HPSE2: variants seen among roughly 807,000 people sequenced by gnomAD.
HPSE2 encodes inactive heparanase-2.
HPSE2 carries 38 observed loss-of-function variants against 60.5 expected under a neutral mutation model. That is an observed-to-expected ratio of 0.63 (90% CI 0.48 to 0.82). The LOEUF is 0.82. Among genes scored for constraint, HPSE2 ranks in the 40% least tolerant of loss-of-function variants. The probability of loss-of-function intolerance (pLI) is 0.00; values close to 1 mark genes in which losing one functional copy is unlikely to be tolerated. For synonymous variants in HPSE2, 295 were observed against 293.2 expected (o/e 1.01, Z -0.06); for missense variants, 713 against 740.4 (o/e 0.96, Z 0.43).
At chr10:98,782,908 G>GTTTGTTTA (rs1554993662) in intron 3 of HPSE2, among the ~76,000 whole-genome samples, 1 of 11,582 alleles carries the variant, frequency 8.6e-5, no homozygotes, top group Non-Finnish European at 3.0e-4. Context: ...TTCCCTGTTT[G>GTTTGTTTA]TTTATTTTTT....
intron 4 of HPSE2, among the ~76,000 whole-genome samples, chr10:98,739,390 C>T (rs893189970): frequency 6.7e-6 from 1 of 148,744 alleles, no homozygotes. Context: ...TTGATGGGTA[C>T]AGCAAACCAC....
chr10:99,146,209 C>A (rs1366222245), intron 2 of HPSE2, among the ~76,000 whole-genome samples: 1 of 152,192 alleles, frequency 6.6e-6, no homozygotes, highest in East Asian at 1.9e-4. Context: ...TACATCATCT[C>A]ATTGGATCCT....
At chr10:99,023,658 ACT>A (rs147849628) in intron 3 of HPSE2, among the ~76,000 whole-genome samples, 2,183 of 152,238 alleles carry the variant, frequency 0.014, 46 homozygotes, top group African/African-American at 0.049. Context: ...AGAGAGAGAG[ACT>A]CTGAGAGAAA....
At chr10:98,885,697 T>A (rs549120725) in intron 3 of HPSE2, among the ~76,000 whole-genome samples, 18 of 152,276 alleles carry the variant, frequency 1.2e-4, no homozygotes, top group Admixed American at 7.9e-4. Context: ...TTTTTTTTAA[T>A]TAATGTATGT....
chr10:98,903,271 T>C (rs1020448875), intron 3 of HPSE2, among the ~76,000 whole-genome samples: 2 of 150,750 alleles, frequency 1.3e-5, no homozygotes, highest in South Asian at 2.1e-4. Context: ...CCTAGGGGAG[T>C]GGGGATTTGG....
At chr10:98,494,113 G>A (rs558972824) in intron 9 of HPSE2, among the ~76,000 whole-genome samples, 5 of 152,072 alleles carry the variant, frequency 3.3e-5, no homozygotes, top group East Asian at 3.9e-4. Flanking sequence ...CTTGTTCTCC[G>A]GTGCCATAAA....
chr10:99,248,126 G>T, the HPSE2 span, among the ~76,000 whole-genome samples: 3 of 152,350 alleles, frequency 2.0e-5, no homozygotes, highest in South Asian at 6.2e-4. Flanking sequence ...AAATGTGGAA[G>T]TGACTTTGGA....
intron 3 of HPSE2, among the ~76,000 whole-genome samples, chr10:99,012,865 TGAGAAAAATGTGA>T (rs1460647193): frequency 3.3e-5 from 5 of 152,198 alleles, no homozygotes; most frequent in African/African-American, 1.2e-4. Context: ...GGATTCATTA[TGAGAAAAATGTGA>T]TTCACAGCTT....
chr10:98,572,640 C>T (rs1475712198), intron 9 of HPSE2, among the ~76,000 whole-genome samples: 1 of 152,258 alleles, frequency 6.6e-6, no homozygotes, highest in Non-Finnish European at 1.5e-5. Context: ...ATGACTAATG[C>T]AATCCATAAG....
At chr10:98,781,648 A>G (rs1391860293) in intron 3 of HPSE2, among the ~76,000 whole-genome samples, 1 of 152,136 alleles carries the variant, frequency 6.6e-6, no homozygotes, top group Non-Finnish European at 1.5e-5. Flanking sequence ...AAAGAAATAT[A>G]AATTAAAACA....
chr10:98,833,981 C>T (rs562982407), intron 3 of HPSE2, among the ~76,000 whole-genome samples: 1 of 152,024 alleles, frequency 6.6e-6, no homozygotes, highest in South Asian at 2.1e-4. Context: ...TTACCAAATA[C>T]CCTTAAAATT....
At chr10:99,063,341 A>C (rs756156362) in intron 3 of HPSE2, among the ~76,000 whole-genome samples, 18 of 152,154 alleles carry the variant, frequency 1.2e-4, no homozygotes, top group Non-Finnish European at 1.9e-4. Context: ...ACAGAAAAAA[A>C]AAACAGCAAG....
chr10:98,845,684 C>T (rs1392084831), intron 3 of HPSE2, among the ~76,000 whole-genome samples: 2 of 152,200 alleles, frequency 1.3e-5, no homozygotes, highest in African/African-American at 2.4e-5. Context: ...TTATTACTTT[C>T]CAGTCACACC....
At chr10:98,724,898 A>G (rs1949029687) in intron 4 of HPSE2, among the ~76,000 whole-genome samples, 1 of 152,150 alleles carries the variant, frequency 6.6e-6, no homozygotes, top group Non-Finnish European at 1.5e-5. Context: ...ATTGCTTCAA[A>G]GAGAATAAAA....
rs142188454 is a variant in HPSE2, at chr10:98,592,969, C to T, written c.1320+21935G>A. 1.1e-3 allele frequency among the ~76,000 whole-genome samples: 171 copies of T among 152,302 alleles called. 1 individual carries two copies. Among genetic ancestry groups the T allele is most frequent in the African/African-American group, 4.1e-3 (171 of 41,570 alleles). On this transcript the variant is annotated intron_variant, in intron 9 of 11. Coordinates refer to ENST00000370552, the MANE Select transcript of HPSE2 (RefSeq NM_021828.5). ...TCATCAGGATTCTTTTATGCAGCAG[C>T]TATAACTGCTCCTCAGAGTGGGCTA...
chr10:99,315,644 C>A, the HPSE2 span, among the ~76,000 whole-genome samples: 7 of 152,144 alleles, frequency 4.6e-5, no homozygotes, highest in Non-Finnish European at 1.0e-4. Context: ...TCACAGCCAG[C>A]GATGTGGTTA....
intron 3 of HPSE2, among the ~76,000 whole-genome samples, chr10:99,100,137 G>A (rs1029119645): frequency 1.3e-5 from 2 of 152,196 alleles, no homozygotes; most frequent in African/African-American, 4.8e-5. Context: ...ACAAAGCTGG[G>A]TGGAGAATGA....
intron 3 of HPSE2, among the ~76,000 whole-genome samples, chr10:98,914,414 G>A (rs547871126): frequency 2.6e-5 from 4 of 151,782 alleles, no homozygotes; most frequent in Non-Finnish European, 5.9e-5. Context: ...TAATACAGAG[G>A]TAAAATAAAA....
rs56694752 is a variant in HPSE2 at position 99,105,061 on chromosome 10, T to TAA, written c.610+39175_610+39176dup. On this transcript the variant is annotated intron_variant, in intron 3 of 11. Coordinates refer to ENST00000370552, the MANE Select transcript of HPSE2 (RefSeq NM_021828.5). Reference sequence around the variant, plus strand: ...ATGTACCCTAGAACTTAAAATATAATAAAAAAAAAAAAAAAGAAAAGCTAG... The same window carrying TAA: ...ATGTACCCTAGAACTTAAAATATAATAAAAAAAAAAAAAAAAAGAAAAGCTAG... Among the ~76,000 whole-genome samples the TAA allele has an allele frequency of 4.2e-3, 578 of 138,196 alleles. 5 individuals are homozygous for TAA. The highest frequency in any genetic ancestry group is 0.023 in the South Asian group (100 of 4,436). The allele number at this position is 138,196 out of a possible 152,430, so 90.7% of individuals were successfully genotyped here. A position where few individuals can be genotyped will look rare whatever the true frequency, so the allele number is the denominator to read the frequency against.
Sources: allele counts gnomAD v4.1 joint callset (sites outside exome capture counted in the v4.1 genomes callset), GRCh38; gene constraint gnomAD v4.1.1; transcripts MANE v1.5; gene names NCBI Gene and HGNC (gene_info 2026-07-23, HGNC 2026-07-21).